B3GALT1: variants seen among roughly 807,000 people sequenced by gnomAD.
The protein encoded by B3GALT1 is beta-1,3-galactosyltransferase 1.
B3GALT1 carries 10 observed loss-of-function variants against 23.2 expected under a neutral mutation model. The ratio of observed to expected loss-of-function variants is 0.43; its 90% CI spans 0.27 to 0.73. The LOEUF (loss-of-function observed/expected upper bound fraction) is 0.73. B3GALT1 is among the 30% of genes least tolerant of loss of function. The pLI, the probability that B3GALT1 is intolerant of heterozygous loss-of-function variation, is 0.21. For missense variants in B3GALT1, 299 were observed against 405.4 expected, an observed-to-expected ratio of 0.74 and a Z score of 2.25; for synonymous variants, 156 against 141.5, an observed-to-expected ratio of 1.10 and a Z score of -0.73.
chr2:167,443,637 T>C (rs1698932231), intron 1 of B3GALT1, among the ~76,000 whole-genome samples: 2 of 152,194 alleles, frequency 1.3e-5, no homozygotes, highest in South Asian at 4.1e-4. Context: ...GAAGCAATTG[T>C]GAATGGGAGT....
chr2:167,587,399 G>T (rs1350852167), intron 2 of B3GALT1, among the ~76,000 whole-genome samples: 1 of 152,098 alleles, frequency 6.6e-6, no homozygotes, highest in East Asian at 1.9e-4. Flanking sequence ...AACTTATTTA[G>T]TCCTTGTAAA....
intron 1 of B3GALT1, among the ~76,000 whole-genome samples, chr2:167,400,418 G>T (rs1470848560): frequency 6.6e-6 from 1 of 151,092 alleles, no homozygotes; most frequent in Non-Finnish European, 1.5e-5. Flanking sequence ...TTTATATTTT[G>T]CTCATATTTT....
At chr2:167,407,269 G>C (rs115280187) in intron 1 of B3GALT1, among the ~76,000 whole-genome samples, 2,111 of 151,990 alleles carry the variant, frequency 0.014, 47 homozygotes, top group African/African-American at 0.047. Context: ...ACTCAAGAAG[G>C]AAATTAAAAA....
At chr2:167,386,750 T>G (rs1465904969) in intron 1 of B3GALT1, among the ~76,000 whole-genome samples, 5 of 152,218 alleles carry the variant, frequency 3.3e-5, no homozygotes, top group Non-Finnish European at 7.3e-5. Flanking sequence ...GGAACTTACA[T>G]CTTATTGTAA....
chr2:167,867,151 C>A (rs1004235453), intron 4 of B3GALT1, among the ~76,000 whole-genome samples: 7 of 152,180 alleles, frequency 4.6e-5, no homozygotes, highest in South Asian at 2.1e-4. Flanking sequence ...TGGTCTCGAT[C>A]TCCTGACCTC....
chr2:167,641,205 C>T (rs1185970927), intron 2 of B3GALT1, among the ~76,000 whole-genome samples: 1 of 152,084 alleles, frequency 6.6e-6, no homozygotes, highest in African/African-American at 2.4e-5. Context: ...TTTTAATAAC[C>T]TCTATCTATG....
chr2:167,438,945 G>A (rs1168406477), intron 1 of B3GALT1, among the ~76,000 whole-genome samples: 3 of 152,180 alleles, frequency 2.0e-5, no homozygotes, highest in Non-Finnish European at 4.4e-5. Context: ...ATAGCGCATA[G>A]AAAGATATTG....
chr2:167,621,254 T>C (rs1685253411), intron 2 of B3GALT1, among the ~76,000 whole-genome samples: 1 of 151,606 alleles, frequency 6.6e-6, no homozygotes, highest in Non-Finnish European at 1.5e-5. Flanking sequence ...ACACCTGGCT[T>C]ATACATTTAT....
intron 2 of B3GALT1, among the ~76,000 whole-genome samples, chr2:167,534,236 C>A (rs1298689302): frequency 2.6e-5 from 4 of 152,170 alleles, no homozygotes; most frequent in Non-Finnish European, 5.9e-5. Flanking sequence ...TTCTTTCCCT[C>A]TGGAATCTCA....
At chr2:167,373,826 T>TTCCCAAA (rs1697721936) in intron 1 of B3GALT1, among the ~76,000 whole-genome samples, 1 of 152,156 alleles carries the variant, frequency 6.6e-6, no homozygotes, top group Non-Finnish European at 1.5e-5. Context: ...CCCAAAGTGC[T>TTCCCAAA]GGGATTACAG....
chr2:167,518,707 C>G (rs1056651078), intron 2 of B3GALT1, among the ~76,000 whole-genome samples: 5 of 152,194 alleles, frequency 3.3e-5, no homozygotes, highest in Admixed American at 3.3e-4. Context: ...TTCTCATCCT[C>G]TATTTGTTAG....
intron 3 of B3GALT1, among the ~76,000 whole-genome samples, chr2:167,698,841 C>T (rs551177516): frequency 1.8e-4 from 27 of 152,120 alleles, no homozygotes; most frequent in Non-Finnish European, 3.7e-4. Flanking sequence ...GATGGCCCAT[C>T]ACATGCTCTT....
chr2:167,765,808 C>A (rs1226616515), intron 3 of B3GALT1, among the ~76,000 whole-genome samples: 6 of 152,180 alleles, frequency 3.9e-5, no homozygotes, highest in Admixed American at 6.6e-5. Context: ...AACATTGACT[C>A]TCTAAAGTGT....
chr2:167,675,160 C>T (rs376015774), intron 3 of B3GALT1, among the ~76,000 whole-genome samples: 41 of 152,250 alleles, frequency 2.7e-4, no homozygotes, highest in African/African-American at 9.9e-4. Context: ...CAATTTTCCA[C>T]AGTATGTGAA....
At chr2:167,444,940 C>G (rs114590760) in intron 1 of B3GALT1, among the ~76,000 whole-genome samples, 1 of 152,146 alleles carries the variant, frequency 6.6e-6, no homozygotes. Flanking sequence ...TTCTCTAGTT[C>G]TATTAATTGT....
chr2:167,496,027 C>T (rs945519841), intron 2 of B3GALT1, among the ~76,000 whole-genome samples: 1 of 152,144 alleles, frequency 6.6e-6, no homozygotes, highest in African/African-American at 2.4e-5. Context: ...AGTCATGGGA[C>T]CACATGTACC....
At chr2:167,556,938 G>A (rs1224201263) in intron 2 of B3GALT1, among the ~76,000 whole-genome samples, 1 of 152,218 alleles carries the variant, frequency 6.6e-6, no homozygotes, top group African/African-American at 2.4e-5. Context: ...ACTGAGGAAA[G>A]TGAAAAGACT....
chr2:167,529,865 TC>T (rs1053357500), intron 2 of B3GALT1, among the ~76,000 whole-genome samples: 9 of 151,900 alleles, frequency 5.9e-5, no homozygotes, highest in African/African-American at 2.2e-4. Flanking sequence ...ACTCTACCCT[TC>T]CCCCAAATCT....
intron 1 of B3GALT1, among the ~76,000 whole-genome samples, chr2:167,309,507 A>G (rs1182579653): frequency 6.6e-6 from 1 of 152,024 alleles, no homozygotes. Context: ...ATTGCACACA[A>G]AATTTCATGT....
Sources: gnomAD v4.1 joint callset for allele counts (sites outside exome capture counted in the v4.1 genomes callset) on GRCh38, gnomAD v4.1.1 for gene constraint, MANE v1.5 for transcripts, NCBI Gene and HGNC (gene_info 2026-07-23, HGNC 2026-07-21) for gene names.